Variants in SIRT1 observed in about 807,000 individuals in gnomAD.
The protein encoded by SIRT1 is NAD-dependent protein deacetylase sirtuin-1.
SIRT1 carries 24 observed loss-of-function variants against 67.9 expected under a neutral mutation model. That is an observed-to-expected ratio of 0.35 (90% CI 0.26 to 0.50). SIRT1 has a LOEUF of 0.50. Among genes scored for constraint, SIRT1 ranks in the 20% least tolerant of loss-of-function variants. The pLI is 0.98. For synonymous variants in SIRT1, 378 were observed against 350.7 expected (o/e 1.08, Z -0.87); for missense variants, 873 against 937.2 (o/e 0.93, Z 0.89).
rs1162440016 is a variant in SIRT1 at position 67,909,405 on chromosome 10, G to A, written c.1320G>A (p.Gly440=). 2 of 1,612,166 alleles carry A rather than the reference G, an allele frequency of 1.2e-6. No individual in the cohort carries two copies. The highest frequency in any genetic ancestry group is 1.3e-5 in the African/African-American group (1 of 74,794). Reference sequence around the variant, plus strand: ...AAGTTGACCTCCTCATTGTTATTGGGTCTTCCCTCAAAGTAAGACCAGTAG... The same window carrying A: ...AAGTTGACCTCCTCATTGTTATTGGATCTTCCCTCAAAGTAAGACCAGTAG... ...KDEVDLLIVI[G]SSLKVRPVAL... Residue 440 remains glycine (G), a synonymous_variant, in exon 7 of 9, where the codon GGG becomes GGA. Transcript: ENST00000212015.
intron 3 of SIRT1, among the ~76,000 whole-genome samples, chr10:67,889,364 A>G (rs900430668): frequency 2.6e-5 from 4 of 152,234 alleles, no homozygotes; most frequent in African/African-American, 9.6e-5. Flanking sequence ...AGTTAAGGCA[A>G]GATTTCTACC....
chr10:67,910,053 A>G (rs1309404389), intron 7 of SIRT1, among the ~76,000 whole-genome samples: 1 of 151,838 alleles, frequency 6.6e-6, no homozygotes, highest in Non-Finnish European at 1.5e-5. Context: ...AGACTGGTGA[A>G]TCTGACATTT....
At chr10:67,914,263 G>C (rs973979184) in intron 8 of SIRT1, among the ~76,000 whole-genome samples, 3 of 151,752 alleles carry the variant, frequency 2.0e-5, no homozygotes, top group Admixed American at 1.3e-4. Flanking sequence ...GTAGAGACGG[G>C]GTTTCGCCAT....
Position 67,912,787 on chromosome 10 carries a change from C to T in SIRT1, c.1671C>T (p.Asp557=), listed in dbSNP as rs1403102386. 2 of 1,614,056 alleles carry T rather than the reference C, an allele frequency of 1.2e-6. No homozygotes were observed. Among genetic ancestry groups the T allele is most frequent in the South Asian group, 1.1e-5 (1 of 91,080 alleles). Residue 557 remains aspartate (D), a synonymous_variant, in exon 8 of 9, where the codon GAC becomes GAT. Transcript: ENST00000212015. ...PDSSVIVTLL[D]QAAKSNDDLD... ...CTTCAGTGATTGTCACACTTTTAGA[C>T]CAAGCAGCTAAGAGTAATGATGATT...
chr10:67,912,466 T>C lies in SIRT1; in HGVS notation c.1358-8T>C. ...TTTTTCTAACTCTTATTTTTCACCCTATTTTAGGTTCCATACCCCATGAAG... is the reference window on the plus strand; with the variant it reads ...TTTTTCTAACTCTTATTTTTCACCCCATTTTAGGTTCCATACCCCATGAAG... On this transcript the variant is annotated splice_region_variant and splice_polypyrimidine_tract_variant and intron_variant, in intron 7 of 8. Transcript: ENST00000212015. 6.3e-7 allele frequency: 1 copy of C among 1,580,640 alleles called. No individual in the cohort carries two copies. The highest frequency in any genetic ancestry group is 8.6e-7 in the Non-Finnish European group (1 of 1,167,040).
chr10:67,915,070 T>C (rs1308804845), intron 8 of SIRT1, among the ~76,000 whole-genome samples: 1 of 151,974 alleles, frequency 6.6e-6, no homozygotes, highest in Non-Finnish European at 1.5e-5. Context: ...TCTGTTGTAA[T>C]AGAGGGAAAT....
chr10:67,916,446 C>T lies in SIRT1; in HGVS notation c.2097C>T (p.Tyr699=), dbSNP rs142873333. ...ATGAAAGTGAAATTGAAGAATTCTACAATGGCTTAGAAGATGAGCCTGATG... is the reference window on the plus strand; with the variant it reads ...ATGAAAGTGAAATTGAAGAATTCTATAATGGCTTAGAAGATGAGCCTGATG... ...MEDESEIEEF[Y]NGLEDEPDVP... Residue 699 remains tyrosine, a synonymous_variant, in exon 9 of 9, where the codon TAC becomes TAT. Transcript: ENST00000212015. 1.4e-5 allele frequency: 23 copies of T among 1,613,996 alleles called. No homozygotes were observed. The highest frequency in any genetic ancestry group is 3.3e-4 in the Middle Eastern group (2 of 6,082).
chr10:67,909,582 G>GT, intron 7 of SIRT1, 140 bp downstream of exon 7: 2 of 767,224 alleles, frequency 2.6e-6, no homozygotes, highest in Non-Finnish European at 3.8e-6. Context: ...TTGTTTGTTT[G>GT]TTTGTTTATT....
Position 67,893,366 on chromosome 10 carries a change from C to G in SIRT1, c.942+1812C>G, listed in dbSNP as rs190628548. 8.5e-5 allele frequency among the ~76,000 whole-genome samples: 13 copies of G among 152,182 alleles called. No individual in the cohort carries two copies. The East Asian group carries it at 2.3e-3, about 27-fold the overall frequency. ...CCTGTGTCCATGTGTTCTTATTGTTCAACTCTCACTTATGAGTGAGGACAT... is the reference window on the plus strand; with the variant it reads ...CCTGTGTCCATGTGTTCTTATTGTTGAACTCTCACTTATGAGTGAGGACAT... On this transcript the variant is annotated intron_variant, in intron 4 of 8. Transcript: ENST00000212015.
chr10:67,912,458 T>G lies in SIRT1; in HGVS notation c.1358-16T>G. ...CTCCTCCCTTTTTCTAACTCTTATT[T>G]TTCACCCTATTTTAGGTTCCATACC... On this transcript the variant is annotated splice_polypyrimidine_tract_variant and intron_variant, in intron 7 of 8. Transcript: ENST00000212015. 1.9e-6 allele frequency: 3 copies of G among 1,569,256 alleles called. No homozygotes were observed. Among genetic ancestry groups the G allele is most frequent in the Non-Finnish European group, 2.6e-6 (3 of 1,161,562 alleles).
intron 4 of SIRT1, among the ~76,000 whole-genome samples, chr10:67,905,161 C>T (rs1842802493): frequency 6.6e-6 from 1 of 152,168 alleles, no homozygotes; most frequent in African/African-American, 2.4e-5. Context: ...AGCATATTCT[C>T]ATAGTGCCTA....
At chr10:67,897,086 G>GCGGAGGTTGCAGTGAGC (rs1156922000) in intron 4 of SIRT1, among the ~76,000 whole-genome samples, 6 of 151,756 alleles carry the variant, frequency 4.0e-5, no homozygotes, top group Non-Finnish European at 8.8e-5. Context: ...AACCTGGGAG[G>GCGGAGGTTGCAGTGAGC]CGGAGGTTGC....
chr10:67,900,376 C>T (rs916406756), intron 4 of SIRT1, among the ~76,000 whole-genome samples: 1 of 152,062 alleles, frequency 6.6e-6, no homozygotes, highest in Non-Finnish European at 1.5e-5. Context: ...AACTCCTAAC[C>T]TCAGGTGATC....
At chr10:67,891,295 C>T in intron 3 of SIRT1, 107 bp from the exon 4 acceptor site, 1 of 936,648 alleles carries the variant, frequency 1.1e-6, no homozygotes, top group Non-Finnish European at 1.6e-6. Context: ...AAGTTTCAGA[C>T]TAAAATTTTC....
chr10:67,886,774 T>G (rs1842488881), intron 1 of SIRT1, among the ~76,000 whole-genome samples: 1 of 152,174 alleles, frequency 6.6e-6, no homozygotes, highest in South Asian at 2.1e-4. Flanking sequence ...AATGACGTTT[T>G]TATGTAAATG....
In SIRT1 at chr10:67,902,052, T is replaced by C. The variant is rs35151929; in HGVS notation, c.943-4738T>C. ...TCCCCAGGCTGGAGTGCAGTGGCGC[T>C]ATCTTGGCTCACTGCAACCTCCGCC... On this transcript the variant is annotated intron_variant, in intron 4 of 8. Coordinates refer to ENST00000212015, the MANE Select transcript of SIRT1 (RefSeq NM_012238.5). Among the ~76,000 whole-genome samples the C allele has an allele frequency of 2.8e-3, 429 of 152,306 alleles. 3 individuals are homozygous for C. The highest frequency in any genetic ancestry group is 0.014 in the Middle Eastern group (4 of 294).
Position 67,885,090 on chromosome 10 carries a change from A to AGACGAC in SIRT1, c.378_383dup (p.Asp126_Asp127dup). The AGACGAC allele has an allele frequency of 1.4e-6, 2 of 1,447,202 alleles. No individual in the cohort carries two copies. The highest frequency in any genetic ancestry group is 3.0e-5 in the East Asian group (1 of 33,020). 89.6% of individuals were successfully genotyped at this position (1,447,202 alleles called of 1,614,324 possible). A position where few individuals can be genotyped will look rare whatever the true frequency, so the allele number is the denominator to read the frequency against. On this transcript the variant is annotated inframe_insertion, in exon 1 of 9. Coordinates refer to ENST00000212015, the MANE Select transcript of SIRT1 (RefSeq NM_012238.5). ...CGCTGGCCGACAACTTGTACGACGA[A>AGACGAC]GACGACGACGACGAGGGCGAGGAGG...
intron 5 of SIRT1, 72 bp from the exon 6 acceptor site, chr10:67,907,974 A>G: frequency 8.6e-6 from 11 of 1,273,646 alleles, no homozygotes; most frequent in Non-Finnish European, 1.1e-5. Flanking sequence ...GTTAAACTTT[A>G]TAACGTTTGT....
At position 67,909,301 on chromosome 10, in the gene SIRT1, A is replaced by G. The variant is rs757140711; in HGVS notation, c.1216A>G (p.Ile406Val). The change falls in exon 7 of 9, where the codon ATC becomes GTC. Residue 406 changes from isoleucine (I) to valine (V), a missense_variant. Physicochemically the swap from Ile to Val is conservative, Grantham distance 29. Coordinates refer to ENST00000212015, the MANE Select transcript of SIRT1 (RefSeq NM_012238.5). ...PRCPADEPLA[I>V]MKPEIVFFGE... ...GTGCCCAGCTGATGAACCGCTTGCT[A>G]TCATGAAACCAGAGATTGTGTTTTT... 3 of 1,612,852 alleles carry G rather than the reference A, an allele frequency of 1.9e-6. No individual in the cohort carries two copies. The highest frequency in any genetic ancestry group is 3.3e-4 in the Middle Eastern group (2 of 6,052).
Sources: gnomAD v4.1 joint callset for allele counts (sites outside exome capture counted in the v4.1 genomes callset) on GRCh38, gnomAD v4.1.1 for gene constraint, MANE v1.5 for transcripts, NCBI Gene and HGNC (gene_info 2026-07-23, HGNC 2026-07-21) for gene names.